Variants in GPHN observed in about 807,000 individuals in gnomAD.
GPHN encodes gephyrin.
In GPHN, 17 loss-of-function variants were observed where a neutral mutation model predicts 95.5. The observed-to-expected ratio is 0.18, with a 90% CI of 0.12 to 0.27. The LOEUF is 0.27. Among genes scored for constraint, GPHN ranks in the 10% least tolerant of loss-of-function variants. The probability of loss-of-function intolerance (pLI) is 1.00; values close to 1 mark genes in which losing one functional copy is unlikely to be tolerated. For missense variants in GPHN, 660 were observed against 978.1 expected, an observed-to-expected ratio of 0.67 and a Z score of 4.34; for synonymous variants, 320 against 322.5, an observed-to-expected ratio of 0.99 and a Z score of 0.08.
chr14:66,906,210 A>G (rs1160742171), intron 5 of GPHN, among the ~76,000 whole-genome samples: 2 of 152,186 alleles, frequency 1.3e-5, no homozygotes, highest in Admixed American at 1.3e-4. Flanking sequence ...CTGAACAGCC[A>G]TCATGATTTA....
chr14:67,656,245 C>CAA, the GPHN span, among the ~76,000 whole-genome samples: 36 of 126,998 alleles, frequency 2.8e-4, no homozygotes, highest in South Asian at 1.2e-3. Flanking sequence ...GACTCTATCT[C>CAA]AAAAAAAAAA....
intron 9 of GPHN, among the ~76,000 whole-genome samples, chr14:66,979,401 T>C (rs889607755): frequency 6.6e-6 from 1 of 152,268 alleles, no homozygotes; most frequent in African/African-American, 2.4e-5. Flanking sequence ...CTGCAGCTTC[T>C]ACAGCAGCAC....
At chr14:67,040,061 T>C (rs1567242084) in intron 10 of GPHN, among the ~76,000 whole-genome samples, 1 of 152,142 alleles carries the variant, frequency 6.6e-6, no homozygotes, top group Non-Finnish European at 1.5e-5. Flanking sequence ...TAATATAATA[T>C]GCAATTAGAA....
At chr14:66,884,325 G>C (rs1344595476) in intron 5 of GPHN, among the ~76,000 whole-genome samples, 3 of 152,024 alleles carry the variant, frequency 2.0e-5, no homozygotes. Context: ...AACGTCATCA[G>C]GTAATCACTG....
intron 10 of GPHN, among the ~76,000 whole-genome samples, chr14:67,046,432 C>A (rs1194959920): frequency 6.6e-6 from 1 of 152,070 alleles, no homozygotes; most frequent in Non-Finnish European, 1.5e-5. Flanking sequence ...ACAATATTAT[C>A]AATTTTCTGA....
At chr14:67,411,984 C>G in the GPHN span, 1 of 1,524,066 alleles carries the variant, frequency 6.6e-7, no homozygotes, top group Non-Finnish European at 8.8e-7. Flanking sequence ...GGGGCCCCAC[C>G]CGGGCAATGT....
At chr14:67,496,956 C>A in the GPHN span, among the ~76,000 whole-genome samples, 7 of 151,996 alleles carry the variant, frequency 4.6e-5, no homozygotes, top group Non-Finnish European at 7.4e-5. Context: ...CGCCACCACA[C>A]CTGGCTAATT....
the GPHN span, among the ~76,000 whole-genome samples, chr14:67,485,640 G>A: frequency 5.9e-5 from 9 of 152,188 alleles, 1 homozygote; most frequent in South Asian, 4.1e-4. Flanking sequence ...ACCAGGCTAC[G>A]GGCCCTGCAC....
At chr14:66,601,555 T>G (rs2062245789) in intron 1 of GPHN, among the ~76,000 whole-genome samples, 1 of 151,994 alleles carries the variant, frequency 6.6e-6, no homozygotes, top group Non-Finnish European at 1.5e-5. Flanking sequence ...CAGTACTATT[T>G]AAAAATTTAT....
At chr14:66,833,320 C>G (rs2061654221) in intron 4 of GPHN, among the ~76,000 whole-genome samples, 1 of 152,128 alleles carries the variant, frequency 6.6e-6, no homozygotes, top group Non-Finnish European at 1.5e-5. Flanking sequence ...CTCAGGAGAA[C>G]TCACTATCAT....
chr14:67,256,193 T>C, the GPHN span, among the ~76,000 whole-genome samples: 1,732 of 152,346 alleles, frequency 0.011, 17 homozygotes, highest in Non-Finnish European at 0.018. Context: ...AGATATTAGT[T>C]GAAAACAATA....
the GPHN span, among the ~76,000 whole-genome samples, chr14:67,450,800 A>C: frequency 1.3e-5 from 2 of 152,364 alleles, no homozygotes; most frequent in Non-Finnish European, 1.5e-5. Flanking sequence ...TCTGAGGAGA[A>C]ATTCAAGCTG....
chr14:66,687,757 G>A (rs1775089569), intron 2 of GPHN, among the ~76,000 whole-genome samples: 1 of 152,088 alleles, frequency 6.6e-6, no homozygotes, highest in Non-Finnish European at 1.5e-5. Context: ...CCAAAGTGCT[G>A]GGATTACAGG....
At chr14:66,745,532 A>G (rs1329286130) in intron 2 of GPHN, among the ~76,000 whole-genome samples, 1 of 152,008 alleles carries the variant, frequency 6.6e-6, no homozygotes, top group Non-Finnish European at 1.5e-5. Flanking sequence ...TCTGTGAGGG[A>G]TTATAAATGA....
At chr14:66,849,056 T>G (rs1282865454) in intron 4 of GPHN, among the ~76,000 whole-genome samples, 1 of 151,872 alleles carries the variant, frequency 6.6e-6, no homozygotes. Flanking sequence ...ACAAAATAGG[T>G]AGGTACCACT....
At chr14:67,622,396 T>G in the GPHN span, among the ~76,000 whole-genome samples, 1 of 152,198 alleles carries the variant, frequency 6.6e-6, no homozygotes, top group African/African-American at 2.4e-5. Context: ...TGAGTTGAGG[T>G]GTCCTTCATA....
At position 66,811,540 on chromosome 14, in the gene GPHN, A is replaced by G. The variant is rs2060762351; in HGVS notation, c.202-12934A>G. ...AAAAATCACTTAAGACTACTCTTAC[A>G]TTCAGCAAAAAAAAAAAAAAGAAAC... On this transcript the variant is annotated intron_variant, in intron 3 of 22. Coordinates refer to ENST00000478722, the MANE Select transcript of GPHN (RefSeq NM_020806.5). Among the ~76,000 whole-genome samples, 4 of 137,070 alleles carry G rather than the reference A, an allele frequency of 2.9e-5. 1 individual carries two copies. In the South Asian group the frequency reaches 9.1e-4, roughly 31 times the overall value. 89.9% of individuals were successfully genotyped at this position (137,070 alleles called of 152,430 possible).
At chr14:67,216,199 G>C in the GPHN span, among the ~76,000 whole-genome samples, 1 of 152,010 alleles carries the variant, frequency 6.6e-6, no homozygotes, top group African/African-American at 2.4e-5. Flanking sequence ...ATTACATTAA[G>C]ATTTACTCCT....
At chr14:66,848,739 C>CT (rs1311179209) in intron 4 of GPHN, among the ~76,000 whole-genome samples, 6 of 151,664 alleles carry the variant, frequency 4.0e-5, no homozygotes, top group African/African-American at 1.4e-4. Context: ...AAAATAACTC[C>CT]TTTTTTACTG....
Sources: gnomAD v4.1 joint callset for allele counts (sites outside exome capture counted in the v4.1 genomes callset) on GRCh38, gnomAD v4.1.1 for gene constraint, MANE v1.5 for transcripts, NCBI Gene and HGNC (gene_info 2026-07-23, HGNC 2026-07-21) for gene names.